Variants in UTRN observed in about 807,000 individuals in gnomAD.
The protein encoded by UTRN is utrophin.
In UTRN, 283 loss-of-function variants were observed where a neutral mutation model predicts 463.9. The ratio of observed to expected loss-of-function variants is 0.61; its 90% CI spans 0.55 to 0.67. The LOEUF (loss-of-function observed/expected upper bound fraction) is 0.67, where lower values mean the gene tolerates loss of function less well. UTRN is among the 30% of genes least tolerant of loss of function. The probability of loss-of-function intolerance (pLI) is 0.00; values close to 1 mark genes in which losing one functional copy is unlikely to be tolerated. For synonymous variants in UTRN, 1,442 were observed against 1,431.5 expected, an observed-to-expected ratio of 1.01 and a Z score of -0.17; for missense variants, 3,922 against 4,084.3, an observed-to-expected ratio of 0.96 and a Z score of 1.08.
chr6:144,663,388 A>C (rs146218709), intron 51 of UTRN, among the ~76,000 whole-genome samples: 1 of 152,168 alleles, frequency 6.6e-6, no homozygotes, highest in East Asian at 1.9e-4. Context: ...AGGTAGTTTT[A>C]TTTGCCACGC....
At chr6:144,415,530 A>G (rs1305511808) in intron 3 of UTRN, among the ~76,000 whole-genome samples, 1 of 152,146 alleles carries the variant, frequency 6.6e-6, no homozygotes, top group Non-Finnish European at 1.5e-5. Flanking sequence ...TATTACTACT[A>G]CTATTGCTGA....
chr6:144,448,083 A>G (rs1188490893), intron 16 of UTRN, among the ~76,000 whole-genome samples: 5 of 152,244 alleles, frequency 3.3e-5, no homozygotes, highest in African/African-American at 1.2e-4. Flanking sequence ...AACATAAAAC[A>G]TTGGTTTGTA....
At chr6:144,836,790 G>C (rs556968596) in intron 71 of UTRN, among the ~76,000 whole-genome samples, 2 of 152,302 alleles carry the variant, frequency 1.3e-5, no homozygotes, top group East Asian at 1.9e-4. Context: ...GTCCGCCTCA[G>C]CTCTGAACTG....
At chr6:144,741,632 G>A (rs755438103) in intron 54 of UTRN, among the ~76,000 whole-genome samples, 16 of 152,048 alleles carry the variant, frequency 1.1e-4, no homozygotes, top group Non-Finnish European at 1.0e-4. Flanking sequence ...CAGCCCAAAG[G>A]AATTCACTTG....
chr6:144,542,954 AAGACTT>A, intron 46 of UTRN, 84 bp downstream of exon 46: 2 of 1,133,174 alleles, frequency 1.8e-6, no homozygotes, highest in Admixed American at 2.5e-5. Context: ...ATGAATTAGA[AAGACTT>A]AGAAACGTCG....
At chr6:144,467,052 A>G (rs1330687059) in intron 23 of UTRN, among the ~76,000 whole-genome samples, 1 of 152,228 alleles carries the variant, frequency 6.6e-6, no homozygotes, top group Admixed American at 6.5e-5. Context: ...TTCACCATTA[A>G]TACAAATTAA....
rs370548828 is a variant in UTRN at position 144,774,357 on chromosome 6, A to G, written c.8625A>G (p.Ala2875=). Residue 2875 remains alanine (A), a synonymous_variant, in exon 60 of 75, where the codon GCA becomes GCG. Transcript: ENST00000367545. ...TCAAAATCCGAAGACTACAAAAAGC[A>G]CTATGTTGTGAGTTATTCTACCAAA... ...TAIKIRRLQK[A]LCLDLLELST... 6.3e-6 allele frequency: 10 copies of G among 1,596,616 alleles called. 1 individual carries two copies. The South Asian group carries it at 8.1e-5, about 13-fold the overall frequency.
Position 144,821,029 on chromosome 6 carries a change from T to C in UTRN, c.9494+11T>C. On this transcript the variant is annotated intron_variant, in intron 66 of 74. Coordinates refer to ENST00000367545, the MANE Select transcript of UTRN (RefSeq NM_007124.3). ...TGACAACTTAGAGACGTAAGTTTGA[T>C]TTTAATATTAAATCTAGTGTGAACA... 6.2e-7 allele frequency: 1 copy of C among 1,611,638 alleles called. No homozygotes were observed. Among genetic ancestry groups the C allele is most frequent in the South Asian group, 1.1e-5 (1 of 90,468 alleles).
intron 58 of UTRN, among the ~76,000 whole-genome samples, chr6:144,764,811 G>T (rs916667565): frequency 6.6e-6 from 1 of 152,050 alleles, no homozygotes; most frequent in Admixed American, 6.6e-5. Context: ...AAAAGAAAGA[G>T]ATAAAGTAGT....
chr6:144,408,545 G>A (rs1307633309), intron 3 of UTRN, among the ~76,000 whole-genome samples: 2 of 152,224 alleles, frequency 1.3e-5, no homozygotes, highest in Non-Finnish European at 2.9e-5. Flanking sequence ...CTGAACTTGA[G>A]TTTGTGCAAA....
At chr6:144,790,339 C>T (rs2128742837) in intron 62 of UTRN, among the ~76,000 whole-genome samples, 1 of 152,262 alleles carries the variant, frequency 6.6e-6, no homozygotes, top group South Asian at 2.1e-4. Context: ...TGGAGAGATA[C>T]TAAAAAACAA....
At chr6:144,444,232 A>G (rs1562407752) in intron 13 of UTRN, 49 bp from the exon 14 acceptor site, 12 of 1,407,128 alleles carry the variant, frequency 8.5e-6, no homozygotes, top group Non-Finnish European at 1.2e-5. Flanking sequence ...GATTGTGATA[A>G]CTCTCTCTTA....
intron 54 of UTRN, among the ~76,000 whole-genome samples, chr6:144,741,045 T>C (rs1166178774): frequency 6.6e-6 from 1 of 152,220 alleles, no homozygotes; most frequent in African/African-American, 2.4e-5. Flanking sequence ...CGTGGTATAA[T>C]GTACTTATGT....
chr6:144,490,137 C>T lies in UTRN; in HGVS notation c.4201C>T (p.Gln1401Ter). The T allele has an allele frequency of 6.2e-7, 1 of 1,613,792 alleles. No homozygotes were observed. Among genetic ancestry groups the T allele is most frequent in the Non-Finnish European group, 8.5e-7 (1 of 1,179,834 alleles). ...GGAGTTGAGAAGAAATATGCGTTCT[C>T]AGCCCCTGACCTCCCCAGAGAGTAG... Reference protein sequence around the residue: ...LEELRRNMRSQPLTSPESRTA... With the variant: ...LEELRRNMRS Residue 1401 changes from glutamine (Q) to a stop codon, truncating the protein, a stop_gained, in exon 31 of 75, where the codon CAG becomes TAG. Coordinates refer to ENST00000367545, the MANE Select transcript of UTRN (RefSeq NM_007124.3). LOFTEE classifies it high-confidence loss of function.
chr6:144,334,537 A>T (rs1776580081), intron 2 of UTRN, among the ~76,000 whole-genome samples: 1 of 152,102 alleles, frequency 6.6e-6, no homozygotes, highest in Non-Finnish European at 1.5e-5. Context: ...GGGAGGGGTG[A>T]AGTGGAACAG....
chr6:144,784,002 T>G (rs548719118), intron 61 of UTRN, among the ~76,000 whole-genome samples: 7 of 152,354 alleles, frequency 4.6e-5, no homozygotes, highest in African/African-American at 1.7e-4. Context: ...TTCAATAATT[T>G]GAATCCTCAG....
intron 2 of UTRN, among the ~76,000 whole-genome samples, chr6:144,362,834 C>T (rs1044637434): frequency 2.6e-5 from 4 of 152,118 alleles, no homozygotes; most frequent in African/African-American, 9.7e-5. Flanking sequence ...TGAGTTTGCA[C>T]TGAGTCAGGA....
At chr6:144,593,953 A>G (rs576397751) in intron 51 of UTRN, among the ~76,000 whole-genome samples, 1 of 152,358 alleles carries the variant, frequency 6.6e-6, no homozygotes, top group South Asian at 2.1e-4. Flanking sequence ...TGTATCTTTA[A>G]AATAAGGACA....
chr6:144,732,257 T>TATATATATATACATATATATATATATAC lies in UTRN; in HGVS notation c.7939+1772_7939+1773insTATATATATACATATATATATATATACA, dbSNP rs1562832796. Among the ~76,000 whole-genome samples, 6 of 85,500 alleles carry TATATATATATACATATATATATATATAC rather than the reference T, an allele frequency of 7.0e-5. No individual in the cohort carries two copies. The South Asian group carries it at 1.7e-3, about 24-fold the overall frequency. The allele number at this position is 85,500 out of a possible 152,430, so 56.1% of individuals were successfully genotyped here. On this transcript the variant is annotated intron_variant, in intron 54 of 74. Coordinates refer to ENST00000367545, the MANE Select transcript of UTRN (RefSeq NM_007124.3). ...ATATATACATATATATATATATATATACACACATATATATATATATACACA... is the reference window on the plus strand; with the variant it reads ...ATATATACATATATATATATATATATATATATATATACATATATATATATATACACACACATATATATATATATACACA...
Sources: gnomAD v4.1 joint callset for allele counts (sites outside exome capture counted in the v4.1 genomes callset) on GRCh38, gnomAD v4.1.1 for gene constraint, MANE v1.5 for transcripts, NCBI Gene and HGNC (gene_info 2026-07-23, HGNC 2026-07-21) for gene names.